Variants in WWOX observed in about 807,000 individuals in gnomAD.
WWOX encodes WW domain containing oxidoreductase, also known as WW domain-containing oxidoreductase.
WWOX carries 69 observed loss-of-function variants against 46.2 expected under a neutral mutation model. The ratio of observed to expected loss-of-function variants is 1.49; its 90% CI spans 1.23 to 1.82. The LOEUF (loss-of-function observed/expected upper bound fraction) is 1.82, where lower values mean the gene tolerates loss of function less well. WWOX is among the 40% of genes most tolerant of loss of function. The pLI is 0.00. For missense variants in WWOX, 919 were observed against 542.6 expected, an observed-to-expected ratio of 1.69 and a Z score of -6.89; for synonymous variants, 359 against 202.6, an observed-to-expected ratio of 1.77 and a Z score of -6.56.
chr16:78,312,112 C>A (rs4076024), intron 5 of WWOX, among the ~76,000 whole-genome samples: 9 of 151,966 alleles, frequency 5.9e-5, no homozygotes, highest in Non-Finnish European at 1.0e-4. Flanking sequence ...CCTCCTCTTA[C>A]TTTTAAGGAC....
At chr16:79,000,978 C>T (rs748968586) in intron 8 of WWOX, among the ~76,000 whole-genome samples, 10 of 152,114 alleles carry the variant, frequency 6.6e-5, no homozygotes, top group Non-Finnish European at 1.3e-4. Context: ...ATTCCTAGGG[C>T]CTACCACCGC....
At chr16:78,614,196 C>A (rs906535091) in intron 8 of WWOX, among the ~76,000 whole-genome samples, 7 of 152,296 alleles carry the variant, frequency 4.6e-5, no homozygotes, top group African/African-American at 1.2e-4. Context: ...ACTGCTTTTG[C>A]CATCAAATGG....
At chr16:78,772,561 T>C (rs1408018702) in intron 8 of WWOX, among the ~76,000 whole-genome samples, 7 of 152,218 alleles carry the variant, frequency 4.6e-5, no homozygotes, top group Non-Finnish European at 1.0e-4. Flanking sequence ...TTATCTTCCC[T>C]TTTGTAGGTA....
intron 8 of WWOX, among the ~76,000 whole-genome samples, chr16:78,965,271 A>G (rs1338159093): frequency 2.0e-5 from 3 of 152,188 alleles, no homozygotes; most frequent in African/African-American, 7.2e-5. Flanking sequence ...AGATGTTTAA[A>G]TCACTAGTAA....
At chr16:78,396,042 T>C (rs1039758188) in intron 6 of WWOX, among the ~76,000 whole-genome samples, 2 of 152,200 alleles carry the variant, frequency 1.3e-5, no homozygotes, top group African/African-American at 4.8e-5. Context: ...ACCTGCTTTC[T>C]TTCTCACCTC....
intron 8 of WWOX, among the ~76,000 whole-genome samples, chr16:78,578,626 C>T (rs1192309531): frequency 2.0e-5 from 3 of 152,004 alleles, no homozygotes; most frequent in Non-Finnish European, 2.9e-5. Context: ...CACACACGCA[C>T]ACACCAAATT....
intron 8 of WWOX, chr16:78,503,813 A>T (rs2085128589): frequency 6.6e-6 from 1 of 152,222 alleles, no homozygotes; most frequent in Non-Finnish European, 1.5e-5. Context: ...AAGAGAACAG[A>T]TGTCGACTCT....
chr16:78,252,602 T>C (rs990132292), intron 5 of WWOX, among the ~76,000 whole-genome samples: 6 of 152,234 alleles, frequency 3.9e-5, no homozygotes, highest in African/African-American at 1.4e-4. Flanking sequence ...GCCTTTATTT[T>C]TCCTTCTACT....
chr16:78,984,910 C>T (rs1359875210), intron 8 of WWOX, among the ~76,000 whole-genome samples: 1 of 151,948 alleles, frequency 6.6e-6, no homozygotes, highest in Non-Finnish European at 1.5e-5. Flanking sequence ...AGTTAATCGG[C>T]TCATCAAGGT....
At chr16:78,722,159 G>T (rs1394375198) in intron 8 of WWOX, among the ~76,000 whole-genome samples, 1 of 152,156 alleles carries the variant, frequency 6.6e-6, no homozygotes, top group African/African-American at 2.4e-5. Flanking sequence ...CCAGCACGTG[G>T]CTCACTCCCT....
intron 8 of WWOX, among the ~76,000 whole-genome samples, chr16:78,852,761 T>C (rs1331836561): frequency 6.6e-6 from 1 of 152,198 alleles, no homozygotes; most frequent in Non-Finnish European, 1.5e-5. Context: ...TTAATAACAA[T>C]TAAAATGGAA....
At chr16:78,993,050 T>G (rs377228124) in intron 8 of WWOX, among the ~76,000 whole-genome samples, 1 of 152,208 alleles carries the variant, frequency 6.6e-6, no homozygotes, top group East Asian at 1.9e-4. Context: ...TATATAATTT[T>G]TCATATAAAT....
intron 8 of WWOX, among the ~76,000 whole-genome samples, chr16:79,013,404 G>A (rs2656659): frequency 0.28 from 43,145 of 152,126 alleles, 6,491 homozygotes; most frequent in African/African-American, 0.36. Context: ...CTCAGTTCTG[G>A]TAACTCTTTT....
intron 8 of WWOX, among the ~76,000 whole-genome samples, chr16:78,595,758 A>C (rs1292535562): frequency 2.6e-5 from 4 of 152,228 alleles, no homozygotes; most frequent in Admixed American, 2.0e-4. Flanking sequence ...GATAATTAGC[A>C]TAGCCATCAT....
intron 8 of WWOX, among the ~76,000 whole-genome samples, chr16:78,614,963 A>G (rs1255221043): frequency 6.6e-6 from 1 of 152,096 alleles, no homozygotes; most frequent in Non-Finnish European, 1.5e-5. Context: ...CAGTTGATAC[A>G]TGTTTAATCA....
intron 8 of WWOX, chr16:78,525,925 C>T (rs532414576): frequency 1.2e-4 from 18 of 151,538 alleles, no homozygotes; most frequent in African/African-American, 4.4e-4. Flanking sequence ...ATATAAAAAT[C>T]ATATAAGCAT....
intron 8 of WWOX, among the ~76,000 whole-genome samples, chr16:78,877,157 G>A (rs2044250161): frequency 6.6e-6 from 1 of 152,154 alleles, no homozygotes; most frequent in African/African-American, 2.4e-5. Context: ...GTCAGACGAG[G>A]AAGGAAACGA....
intron 8 of WWOX, among the ~76,000 whole-genome samples, chr16:79,120,311 G>C (rs1417585831): frequency 6.6e-6 from 1 of 152,166 alleles, no homozygotes; most frequent in African/African-American, 2.4e-5. Flanking sequence ...GTATGCTCAA[G>C]CTATTGCTGT....
intron 8 of WWOX, among the ~76,000 whole-genome samples, chr16:79,139,388 C>T (rs2050044660): frequency 6.6e-6 from 1 of 152,152 alleles, no homozygotes; most frequent in South Asian, 2.1e-4. Context: ...GCTTAAACTG[C>T]CAAGTGAATT....
Sources: allele counts gnomAD v4.1 joint callset (sites outside exome capture counted in the v4.1 genomes callset), GRCh38; gene constraint gnomAD v4.1.1; transcripts MANE v1.5; gene names NCBI Gene and HGNC (gene_info 2026-07-23, HGNC 2026-07-21).